Variants in ITSN1 observed in about 807,000 individuals in gnomAD.
ITSN1 encodes intersectin-1.
Under a neutral mutation model 239.8 loss-of-function variants are expected in ITSN1, and 58 were observed. That is an observed-to-expected ratio of 0.24 (90% CI 0.20 to 0.30). The LOEUF (loss-of-function observed/expected upper bound fraction) is 0.30, where lower values mean the gene tolerates loss of function less well. ITSN1 is among the 10% of genes least tolerant of loss of function. ITSN1 has a pLI of 1.00. For missense variants in ITSN1, 1,558 were observed against 2,103.3 expected, an observed-to-expected ratio of 0.74 and a Z score of 5.07; for synonymous variants, 780 against 770.8, an observed-to-expected ratio of 1.01 and a Z score of -0.20.
chr21:33,658,600 T>C (rs2146229149), intron 1 of ITSN1, among the ~76,000 whole-genome samples: 1 of 152,318 alleles, frequency 6.6e-6, no homozygotes, highest in East Asian at 1.9e-4. Flanking sequence ...CAGTTCATCA[T>C]TGACTCAAAT....
chr21:33,861,778 CT>C (rs1345994163), intron 31 of ITSN1, among the ~76,000 whole-genome samples: 1 of 151,736 alleles, frequency 6.6e-6, no homozygotes, highest in Admixed American at 6.6e-5. Context: ...AACCCCACAT[CT>C]ACTAAAAATA....
intron 20 of ITSN1, among the ~76,000 whole-genome samples, chr21:33,803,612 GT>G (rs2072182575): frequency 6.6e-6 from 1 of 152,140 alleles, no homozygotes; most frequent in Non-Finnish European, 1.5e-5. Context: ...ATAGTTAACA[GT>G]TTTGAAATAT....
intron 1 of ITSN1, among the ~76,000 whole-genome samples, chr21:33,663,832 G>A (rs1043281095): frequency 2.6e-5 from 4 of 152,100 alleles, no homozygotes; most frequent in Non-Finnish European, 5.9e-5. Context: ...AACTCCTGAC[G>A]TCAGGTGATC....
At chr21:33,703,182 A>G (rs2092104976) in intron 1 of ITSN1, among the ~76,000 whole-genome samples, 1 of 150,392 alleles carries the variant, frequency 6.6e-6, no homozygotes. Context: ...AAGAATATAT[A>G]TGCGTATATA....
rs564080166 is a variant in ITSN1 at position 33,891,016 on chromosome 21, G to A, written c.*2716G>A. 6.6e-6 allele frequency: 1 copy of A among 152,298 alleles called. No homozygotes were observed. Among genetic ancestry groups the A allele is most frequent in the African/African-American group, 2.4e-5 (1 of 41,432 alleles). The allele number at this position is 152,298 out of a possible 1,614,324, so 9.4% of individuals were successfully genotyped here. A position where few individuals can be genotyped will look rare whatever the true frequency, so the allele number is the denominator to read the frequency against. On this transcript the variant is annotated 3_prime_UTR_variant, in exon 40 of 40. Transcript: ENST00000381318. ...GAACTGAACTATCCTGGGACCTCTT[G>A]GGCTGAGCCTTCTTCACAGAGCAGT...
At chr21:33,849,323 T>C (rs1245845022) in intron 29 of ITSN1, among the ~76,000 whole-genome samples, 1 of 151,846 alleles carries the variant, frequency 6.6e-6, no homozygotes. Flanking sequence ...CCCAACACTT[T>C]GGGAGGCCAA....
chr21:33,708,639 G>A (rs2092323377), intron 1 of ITSN1, among the ~76,000 whole-genome samples: 1 of 152,132 alleles, frequency 6.6e-6, no homozygotes, highest in Admixed American at 6.5e-5. Flanking sequence ...ACCCGCCTTG[G>A]CCTCCCAAAG....
At chr21:33,861,678 G>A (rs1176403040) in intron 31 of ITSN1, among the ~76,000 whole-genome samples, 3 of 152,084 alleles carry the variant, frequency 2.0e-5, no homozygotes, top group African/African-American at 7.2e-5. Context: ...CGGGTGCGGT[G>A]GCTCATGCCT....
intron 1 of ITSN1, among the ~76,000 whole-genome samples, chr21:33,651,572 C>A (rs1479236747): frequency 6.6e-6 from 1 of 152,158 alleles, no homozygotes; most frequent in Non-Finnish European, 1.5e-5. Flanking sequence ...AATGAAATAG[C>A]AGTGTAAGAC....
chr21:33,651,212 A>G (rs1239089769), intron 1 of ITSN1, among the ~76,000 whole-genome samples: 2 of 152,236 alleles, frequency 1.3e-5, no homozygotes, highest in Non-Finnish European at 2.9e-5. Flanking sequence ...TGGGGAGTGA[A>G]GGAGAGAGGC....
intron 31 of ITSN1, among the ~76,000 whole-genome samples, chr21:33,860,731 C>T (rs1464983705): frequency 2.6e-5 from 4 of 152,106 alleles, no homozygotes; most frequent in Admixed American, 6.6e-5. Context: ...GCCTAGGTCC[C>T]GGAATAGAGA....
chr21:33,829,503 C>G (rs2074167836), intron 26 of ITSN1, 121 bp from the exon 27 acceptor site: 1 of 1,035,728 alleles, frequency 9.7e-7, no homozygotes, highest in Admixed American at 2.2e-5. Context: ...GGGTAGAAAT[C>G]CAGCTCAATA....
chr21:33,737,733 C>G (rs937729352), intron 5 of ITSN1, among the ~76,000 whole-genome samples: 1 of 152,060 alleles, frequency 6.6e-6, no homozygotes, highest in Admixed American at 6.5e-5. Flanking sequence ...GCCGCAACAC[C>G]CAGCTAATTT....
intron 1 of ITSN1, among the ~76,000 whole-genome samples, chr21:33,713,569 A>G (rs1385264867): frequency 2.0e-5 from 3 of 151,970 alleles, no homozygotes; most frequent in Non-Finnish European, 4.4e-5. Context: ...ACAAATTACT[A>G]TATTTTTTTC....
chr21:33,802,208 A>G (rs986538993), intron 19 of ITSN1, among the ~76,000 whole-genome samples: 3 of 152,174 alleles, frequency 2.0e-5, no homozygotes, highest in African/African-American at 7.2e-5. Flanking sequence ...TGATGAGGAA[A>G]TGTTGCAGGT....
At chr21:33,747,421 T>A (rs2067248457) in intron 5 of ITSN1, among the ~76,000 whole-genome samples, 1 of 151,882 alleles carries the variant, frequency 6.6e-6, no homozygotes, top group Non-Finnish European at 1.5e-5. Flanking sequence ...AGAAAAATAT[T>A]TGAAGAATAA....
intron 16 of ITSN1, among the ~76,000 whole-genome samples, chr21:33,786,125 T>C (rs1944851071): frequency 6.6e-6 from 1 of 152,234 alleles, no homozygotes; most frequent in Admixed American, 6.5e-5. Context: ...TTTTAGGTTT[T>C]TGATTATCAA....
intron 25 of ITSN1, among the ~76,000 whole-genome samples, chr21:33,826,345 C>G (rs542712803): frequency 1.3e-5 from 2 of 152,258 alleles, no homozygotes; most frequent in East Asian, 3.9e-4. Flanking sequence ...AAAGAAAGCT[C>G]CTGAAGCAAA....
At chr21:33,755,673 A>T (rs1302596682) in intron 8 of ITSN1, among the ~76,000 whole-genome samples, 1 of 152,216 alleles carries the variant, frequency 6.6e-6, no homozygotes, top group Non-Finnish European at 1.5e-5. Flanking sequence ...TAGCAAAGAA[A>T]CACTTCTTTG....
Sources: allele counts gnomAD v4.1 joint callset (sites outside exome capture counted in the v4.1 genomes callset), GRCh38; gene constraint gnomAD v4.1.1; transcripts MANE v1.5; gene names NCBI Gene and HGNC (gene_info 2026-07-23, HGNC 2026-07-21).